The following SLC27A6 variants were observed in gnomAD, a reference collection of about 807,000 sequenced individuals.
SLC27A6 encodes the protein solute carrier family 27 member 6, also known as long-chain fatty acid transport protein 6.
Under a neutral mutation model 63.9 loss-of-function variants are expected in SLC27A6, and 74 were observed. That is an observed-to-expected ratio of 1.16 (90% CI 0.96 to 1.40). The LOEUF (loss-of-function observed/expected upper bound fraction) is 1.40, where lower values mean the gene tolerates loss of function less well. Ranked by LOEUF, SLC27A6 falls within the 40% of genes most tolerant of loss-of-function variation. The pLI is 0.00. For missense variants in SLC27A6, 794 were observed against 732.9 expected, an observed-to-expected ratio of 1.08 and a Z score of -0.96; for synonymous variants, 287 against 260.8, an observed-to-expected ratio of 1.10 and a Z score of -0.97.
At chr5:128,971,715 C>G (rs1414497986) in intron 1 of SLC27A6, among the ~76,000 whole-genome samples, 1 of 152,186 alleles carries the variant, frequency 6.6e-6, no homozygotes, top group East Asian at 1.9e-4. Flanking sequence ...ACTCTTTATC[C>G]AATTTGCCAG....
chr5:129,030,106 C>A (rs1228169014), intron 9 of SLC27A6, among the ~76,000 whole-genome samples: 2 of 151,978 alleles, frequency 1.3e-5, no homozygotes, highest in South Asian at 2.1e-4. Context: ...AGGCATCTGG[C>A]TTTAGGCAAT....
At chr5:128,997,580 A>G (rs1201106744) in intron 4 of SLC27A6, among the ~76,000 whole-genome samples, 3 of 152,198 alleles carry the variant, frequency 2.0e-5, no homozygotes, top group Non-Finnish European at 4.4e-5. Flanking sequence ...GTATATATTA[A>G]AGGCTTTTTA....
chr5:129,026,663 G>A (rs761278020), intron 6 of SLC27A6, among the ~76,000 whole-genome samples: 1 of 152,078 alleles, frequency 6.6e-6, no homozygotes, highest in Non-Finnish European at 1.5e-5. Flanking sequence ...TGGTGAAATA[G>A]GGATTATATC....
chr5:129,020,649 C>T (rs1752044816), intron 5 of SLC27A6, among the ~76,000 whole-genome samples: 1 of 152,002 alleles, frequency 6.6e-6, no homozygotes, highest in South Asian at 2.1e-4. Context: ...TTTTCATAAG[C>T]TGTTTTATTG....
At chr5:128,981,783 G>A (rs1382272552) in intron 1 of SLC27A6, among the ~76,000 whole-genome samples, 1 of 150,384 alleles carries the variant, frequency 6.6e-6, no homozygotes. Context: ...ACTGTTAAAG[G>A]ACATGAAAAG....
chr5:128,972,554 A>G (rs1160268907), intron 1 of SLC27A6, among the ~76,000 whole-genome samples: 1 of 152,142 alleles, frequency 6.6e-6, no homozygotes, highest in Non-Finnish European at 1.5e-5. Flanking sequence ...CCACTTAATC[A>G]AATTGGCTAC....
chr5:128,966,144 C>T lies in SLC27A6; in HGVS notation c.7C>T (p.Leu3=), dbSNP rs748554875. 5 of 1,538,880 alleles carry T rather than the reference C, an allele frequency of 3.2e-6. No homozygotes were observed. The highest frequency in any genetic ancestry group is 1.8e-4 in the Middle Eastern group (1 of 5,556). The part of the protein sequence containing the change: ML[L]SWLTVLGAGM... ...TTCTGGCCCAGTTGCCCCCATGCTTCTGTCATGGCTAACAGTTCTAGGGGC... is the reference window on the plus strand; with the variant it reads ...TTCTGGCCCAGTTGCCCCCATGCTTTTGTCATGGCTAACAGTTCTAGGGGC... Residue 3 remains leucine, a synonymous_variant, in exon 1 of 10, where the codon CTG becomes TTG. Transcript: ENST00000262462.
Position 128,966,379 on chromosome 5 carries a change from C to T in SLC27A6, c.242C>T (p.Thr81Ile). 6.2e-7 allele frequency: 1 copy of T among 1,613,682 alleles called. No individual in the cohort carries two copies. The highest frequency in any genetic ancestry group is 8.5e-7 in the Non-Finnish European group (1 of 1,179,794). Residue 81 changes from threonine (T) to isoleucine (I), a missense_variant, in exon 1 of 10, where the codon ACC becomes ATC. By Grantham distance (89) the Thr-to-Ile change is moderately conservative (BLOSUM62 -1). Transcript: ENST00000262462. ...PFIIYEGDIY[T>I]YQDVDKRSSR... is the part of the protein sequence containing the mutation. ...ATCATCTATGAGGGAGACATCTACA[C>T]CTATCAGGATGTAGACAAAAGGAGC...
chr5:128,998,925 T>A (rs1375583158), intron 4 of SLC27A6, among the ~76,000 whole-genome samples: 1 of 152,140 alleles, frequency 6.6e-6, no homozygotes, highest in Non-Finnish European at 1.5e-5. Flanking sequence ...TAAAACACAA[T>A]GAATTAAGAT....
intron 1 of SLC27A6, among the ~76,000 whole-genome samples, chr5:128,983,983 A>G (rs1347167066): frequency 1.3e-5 from 2 of 152,186 alleles, no homozygotes; most frequent in Non-Finnish European, 2.9e-5. Context: ...ATCCCCAAGG[A>G]CGTTAATATA....
chr5:129,027,065 A>G, intron 6 of SLC27A6, 68 bp from the exon 7 acceptor site: 1 of 1,263,358 alleles, frequency 7.9e-7, no homozygotes, highest in South Asian at 1.2e-5. Context: ...TATAATATAG[A>G]TACATTCATG....
intron 1 of SLC27A6, among the ~76,000 whole-genome samples, chr5:128,983,379 G>A (rs1046045229): frequency 1.8e-4 from 24 of 133,432 alleles, no homozygotes; most frequent in Admixed American, 9.8e-4. Flanking sequence ...TGCCACCTCC[G>A]CCTCCTGGGT....
chr5:128,985,534 G>A (rs1172405046), intron 2 of SLC27A6, among the ~76,000 whole-genome samples, 198 bp downstream of exon 2: 1 of 152,158 alleles, frequency 6.6e-6, no homozygotes, highest in Non-Finnish European at 1.5e-5. Flanking sequence ...AAAAGTCATT[G>A]TGTTCATTTG....
intron 9 of SLC27A6, among the ~76,000 whole-genome samples, chr5:129,029,962 G>A (rs1752364902): frequency 6.6e-6 from 1 of 151,950 alleles, no homozygotes; most frequent in South Asian, 2.1e-4. Flanking sequence ...AGAGCAAAAT[G>A]ATGGTCCCAG....
At chr5:128,975,350 A>C (rs998172317) in intron 1 of SLC27A6, among the ~76,000 whole-genome samples, 2 of 152,164 alleles carry the variant, frequency 1.3e-5, no homozygotes, top group Non-Finnish European at 2.9e-5. Flanking sequence ...GACTCCAAAA[A>C]ACAAAAGCAA....
chr5:129,006,071 G>GTCTTTTTTTTTTTT (rs1751513835), intron 4 of SLC27A6, among the ~76,000 whole-genome samples: 1 of 60,148 alleles, frequency 1.7e-5, no homozygotes, highest in Non-Finnish European at 2.7e-5. Flanking sequence ...TGTGCACACT[G>GTCTTTTTTTTTTTT]TTTTTTTTTT....
chr5:128,982,237 C>G (rs1361362947), intron 1 of SLC27A6, among the ~76,000 whole-genome samples: 1 of 152,158 alleles, frequency 6.6e-6, no homozygotes, highest in Non-Finnish European at 1.5e-5. Context: ...CATTTCCTAC[C>G]ACTATTGAAG....
At chr5:129,015,749 C>T in intron 4 of SLC27A6, 136 bp from the exon 5 acceptor site, 1 of 614,714 alleles carries the variant, frequency 1.6e-6, no homozygotes, top group South Asian at 2.2e-5. Flanking sequence ...CTGCAATAGA[C>T]TTATACACAT....
intron 4 of SLC27A6, among the ~76,000 whole-genome samples, chr5:129,014,663 A>G (rs148170100): frequency 3.9e-5 from 6 of 152,280 alleles, no homozygotes; most frequent in African/African-American, 1.4e-4. Context: ...TCTTTGGCCA[A>G]TGTGTAGGAA....
Sources: allele counts gnomAD v4.1 joint callset (sites outside exome capture counted in the v4.1 genomes callset), GRCh38; gene constraint gnomAD v4.1.1; transcripts MANE v1.5; gene names NCBI Gene and HGNC (gene_info 2026-07-23, HGNC 2026-07-21).